Variants in CTTNBP2 observed in about 807,000 individuals in gnomAD.
The protein encoded by CTTNBP2 is cortactin-binding protein 2.
CTTNBP2 carries 108 observed loss-of-function variants against 156.9 expected under a neutral mutation model. The observed-to-expected ratio is 0.69, with a 90% CI of 0.59 to 0.81. The LOEUF (loss-of-function observed/expected upper bound fraction) is 0.81. CTTNBP2 is among the 30% of genes least tolerant of loss of function. The pLI is 0.00. For synonymous variants in CTTNBP2, 767 were observed against 751.8 expected, an observed-to-expected ratio of 1.02 and a Z score of -0.33; for missense variants, 1,924 against 2,035.4, an observed-to-expected ratio of 0.95 and a Z score of 1.05.
chr7:117,715,475 T>TAAAAAAAAAAAAAAAAA (rs398048025), intron 22 of CTTNBP2, among the ~76,000 whole-genome samples: 24 of 116,366 alleles, frequency 2.1e-4, no homozygotes, highest in African/African-American at 8.7e-4. Flanking sequence ...GCCCTGAAGT[T>TAAAAAAAAAAAAAAAAA]AAAAAAAAAA....
At chr7:117,871,843 T>TCCACACACACACACACACACACACACAC (rs1563083191) in intron 1 of CTTNBP2, 1 of 303,292 alleles carries the variant, frequency 3.3e-6, no homozygotes, top group African/African-American at 1.3e-4. Context: ...GTCCTTCCCC[T>TCCACACACACACACACACACACACACAC]TCACACACAC....
At position 117,850,876 on chromosome 7, in the gene CTTNBP2, C is replaced by G. The variant is rs190508931; in HGVS notation, c.189+10333G>C. Among the ~76,000 whole-genome samples the G allele has an allele frequency of 1.3e-5, 2 of 152,166 alleles. 1 individual carries two copies. Among genetic ancestry groups the G allele is most frequent in the East Asian group, 3.8e-4 (2 of 5,198 alleles). ...GTACCAGGACTATTTAGCTTACACT[C>G]TCTTCCCAGTGCAACACCTGATATG... On this transcript the variant is annotated intron_variant, in intron 2 of 22. Coordinates refer to ENST00000160373, the MANE Select transcript of CTTNBP2 (RefSeq NM_033427.3).
chr7:117,820,866 A>T (rs1370359137), intron 2 of CTTNBP2, among the ~76,000 whole-genome samples: 1 of 151,954 alleles, frequency 6.6e-6, no homozygotes, highest in African/African-American at 2.4e-5. Context: ...TAAGATTTTT[A>T]AAAGTCTCCT....
At chr7:117,779,531 A>C (rs1311131595) in intron 7 of CTTNBP2, among the ~76,000 whole-genome samples, 2 of 150,692 alleles carry the variant, frequency 1.3e-5, no homozygotes, top group African/African-American at 5.0e-5. Flanking sequence ...CCTGTGATAC[A>C]AAATTAATTC....
intron 2 of CTTNBP2, among the ~76,000 whole-genome samples, chr7:117,821,649 T>C (rs546384570): frequency 4.7e-5 from 7 of 149,956 alleles, no homozygotes; most frequent in South Asian, 4.2e-4. Flanking sequence ...AGTGCAGTGG[T>C]GCAATCTCGG....
Position 117,735,049 on chromosome 7 carries a change from C to T in CTTNBP2, c.3740G>A (p.Gly1247Glu). The T allele has an allele frequency of 1.2e-6, 2 of 1,614,154 alleles. No homozygotes were observed. Among genetic ancestry groups the T allele is most frequent in the Non-Finnish European group, 1.7e-6 (2 of 1,179,990 alleles). The change falls in exon 16 of 23, where the codon GGA becomes GAA. Residue 1247 changes from glycine (G) to glutamate (E), a missense_variant. Gly to Glu is a moderately conservative substitution (Grantham distance 98). Transcript: ENST00000160373. ...CTGGAGACAGGCCTTGGCGATGGTT[C>T]CCATCAGAAAGCAGTTCTCATGAAA... ...YYFHENCFLM[G>E]TIAKACLQGS...
chr7:117,773,682 CA>C (rs1190089866), intron 8 of CTTNBP2, among the ~76,000 whole-genome samples: 131 of 150,620 alleles, frequency 8.7e-4, no homozygotes, highest in African/African-American at 2.9e-3. Context: ...CACACACACA[CA>C]CACACACACA....
At chr7:117,789,564 C>T (rs778779080) in intron 4 of CTTNBP2, among the ~76,000 whole-genome samples, 4 of 152,270 alleles carry the variant, frequency 2.6e-5, no homozygotes, top group Non-Finnish European at 4.4e-5. Flanking sequence ...AAAAGCTGTT[C>T]AACTCAGTAA....
rs1279856418 is a variant in CTTNBP2, at chr7:117,810,801, G to A, written c.378C>T (p.Ser126=). The change falls in exon 3 of 23, where the codon TCC becomes TCT. Residue 126 remains serine (S), a synonymous_variant. Coordinates refer to ENST00000160373, the MANE Select transcript of CTTNBP2 (RefSeq NM_033427.3). ...AHCKKMQERM[S]AQLAAAESRQ... ...TGCTCTCAGCAGCAGCCAGCTGTGC[G>A]GACATCCTTTCTTGCATTTTCTTGC... is the stretch of plus-strand genomic sequence containing the variant. The A allele has an allele frequency of 2.3e-5, 37 of 1,613,550 alleles. No individual in the cohort carries two copies. The highest frequency in any genetic ancestry group is 4.5e-5 in the East Asian group (2 of 44,882).
At chr7:117,751,080 T>G (rs1198169731) in intron 12 of CTTNBP2, among the ~76,000 whole-genome samples, 1 of 152,238 alleles carries the variant, frequency 6.6e-6, no homozygotes, top group Non-Finnish European at 1.5e-5. Flanking sequence ...TGTCAATTAG[T>G]GCTTTGTGAG....
At chr7:117,760,957 T>C (rs565048550) in intron 9 of CTTNBP2, among the ~76,000 whole-genome samples, 2 of 152,138 alleles carry the variant, frequency 1.3e-5, no homozygotes, top group Non-Finnish European at 2.9e-5. Flanking sequence ...TTTTTCTATT[T>C]CATTAACTCT....
At chr7:117,873,154 C>T (rs1027827284) in intron 1 of CTTNBP2, among the ~76,000 whole-genome samples, 181 bp downstream of exon 1, 1 of 152,068 alleles carries the variant, frequency 6.6e-6, no homozygotes, top group African/African-American at 2.4e-5. Flanking sequence ...CCGCTCCGCT[C>T]CCCCCCGCGG....
chr7:117,721,013 A>G (rs1225443833), intron 20 of CTTNBP2, 54 bp downstream of exon 20: 2 of 1,057,314 alleles, frequency 1.9e-6, no homozygotes, highest in Non-Finnish European at 1.5e-6. Flanking sequence ...TAGTAATTGA[A>G]GTTACTTGAT....
In CTTNBP2 at chr7:117,828,372, G is replaced by A. The variant is rs35880334; in HGVS notation, c.190-17383C>T. ...CAGATGGGTGGCATATGTGCAAACT[G>A]TGGGTAGGGCACTCCTGGCTACCGT... On this transcript the variant is annotated intron_variant, in intron 2 of 22. Transcript: ENST00000160373. Among the ~76,000 whole-genome samples the A allele has an allele frequency of 5.6e-4, 86 of 152,300 alleles. 2 individuals are homozygous for A. Among genetic ancestry groups the A allele is most frequent in the African/African-American group, 2.0e-3 (82 of 41,550 alleles).
chr7:117,795,745 T>C (rs192328418), intron 3 of CTTNBP2, among the ~76,000 whole-genome samples: 1 of 152,352 alleles, frequency 6.6e-6, no homozygotes, highest in East Asian at 1.9e-4. Context: ...AAAGCATCTG[T>C]AATTCTTTTC....
rs1264021484 is a variant in CTTNBP2, at chr7:117,728,193, C to T, written c.3951G>A (p.Gln1317=). 1.9e-6 allele frequency: 3 copies of T among 1,614,168 alleles called. No individual in the cohort carries two copies. The highest frequency in any genetic ancestry group is 2.5e-6 in the Non-Finnish European group (3 of 1,180,012). Reference sequence around the variant, plus strand: ...CCAAGCGGGCCAGGCAGGAGTTAAGCTGACGCCAGACGGACAGAGCCCAGT... The same window carrying T: ...CCAAGCGGGCCAGGCAGGAGTTAAGTTGACGCCAGACGGACAGAGCCCAGT... ...IVDWALSVWR[Q]LNSCLARLGT... The change falls in exon 17 of 23, where the codon CAG becomes CAA. Residue 1317 remains glutamine (Q), a synonymous_variant. Coordinates refer to ENST00000160373, the MANE Select transcript of CTTNBP2 (RefSeq NM_033427.3).
At chr7:117,837,191 A>G (rs950357291) in intron 2 of CTTNBP2, among the ~76,000 whole-genome samples, 5 of 152,210 alleles carry the variant, frequency 3.3e-5, no homozygotes, top group South Asian at 2.1e-4. Flanking sequence ...ACATGAGCCA[A>G]TATATCTCTT....
chr7:117,759,131 G>T (rs999760139), intron 10 of CTTNBP2, among the ~76,000 whole-genome samples: 1 of 151,840 alleles, frequency 6.6e-6, no homozygotes, highest in African/African-American at 2.4e-5. Flanking sequence ...TTTTTTTAAA[G>T]AGATGGGGTC....
At chr7:117,781,526 G>C (rs530198839) in intron 6 of CTTNBP2, among the ~76,000 whole-genome samples, 1 of 152,316 alleles carries the variant, frequency 6.6e-6, no homozygotes, top group Admixed American at 6.5e-5. Flanking sequence ...AGATGACGAA[G>C]TCAGGAGATC....
Sources: allele counts gnomAD v4.1 joint callset (sites outside exome capture counted in the v4.1 genomes callset), GRCh38; gene constraint gnomAD v4.1.1; transcripts MANE v1.5; gene names NCBI Gene and HGNC (gene_info 2026-07-23, HGNC 2026-07-21).